Variants in ASIC2 observed in about 807,000 individuals in gnomAD.
The protein encoded by ASIC2 is acid-sensing ion channel 2.
ASIC2 carries 25 observed loss-of-function variants against 57.3 expected under a neutral mutation model. That is an observed-to-expected ratio of 0.44 (90% CI 0.32 to 0.61). ASIC2 has a LOEUF of 0.61. ASIC2 is among the 20% of genes least tolerant of loss of function. ASIC2 has a pLI of 0.06. For missense variants in ASIC2, 641 were observed against 738.1 expected, an observed-to-expected ratio of 0.87 and a Z score of 1.52; for synonymous variants, 319 against 307.5, an observed-to-expected ratio of 1.04 and a Z score of -0.39.
At chr17:33,276,458 C>T (rs907430777) in intron 1 of ASIC2, among the ~76,000 whole-genome samples, 7 of 152,200 alleles carry the variant, frequency 4.6e-5, no homozygotes, top group Non-Finnish European at 5.9e-5. Flanking sequence ...GACTTTCTCG[C>T]TCCTAAGTAG....
chr17:33,708,588 C>T (rs1597843730), intron 1 of ASIC2, among the ~76,000 whole-genome samples: 1 of 152,272 alleles, frequency 6.6e-6, no homozygotes, highest in Non-Finnish European at 1.5e-5. Flanking sequence ...GGCTGCAAAA[C>T]TTCTTTCCAA....
At position 33,471,500 on chromosome 17, in the gene ASIC2, C is replaced by A. The variant is rs946793697; in HGVS notation, c.556-359433G>T. Among the ~76,000 whole-genome samples the A allele has an allele frequency of 5.9e-5, 9 of 152,258 alleles. No individual in the cohort carries two copies. In the East Asian group the frequency reaches 1.7e-3, roughly 29 times the overall value. Reference sequence around the variant, plus strand: ...GATAAATTGGATTTGATCGCCTGTACTTGATTTGCTCACAGTTATTGGCAG... The same window carrying A: ...GATAAATTGGATTTGATCGCCTGTAATTGATTTGCTCACAGTTATTGGCAG... On this transcript the variant is annotated intron_variant, in intron 1 of 9. Transcript: ENST00000359872.
intron 1 of ASIC2, among the ~76,000 whole-genome samples, chr17:34,098,860 T>C (rs571899382): frequency 6.6e-6 from 1 of 152,170 alleles, no homozygotes; most frequent in African/African-American, 2.4e-5. Context: ...AGACAAACTC[T>C]AAGGGTTCTC....
At chr17:33,145,278 C>T (rs1904512200) in intron 1 of ASIC2, among the ~76,000 whole-genome samples, 1 of 152,190 alleles carries the variant, frequency 6.6e-6, no homozygotes, top group Non-Finnish European at 1.5e-5. Flanking sequence ...ATTGATGGTC[C>T]TAGACTCCAG....
chr17:33,588,200 C>G (rs1370171115), intron 1 of ASIC2, among the ~76,000 whole-genome samples: 1 of 152,204 alleles, frequency 6.6e-6, no homozygotes, highest in East Asian at 1.9e-4. Flanking sequence ...AAAGGTATGA[C>G]ATCACATATC....
chr17:33,987,540 T>A (rs560214287), intron 1 of ASIC2, among the ~76,000 whole-genome samples: 1 of 152,196 alleles, frequency 6.6e-6, no homozygotes, highest in Non-Finnish European at 1.5e-5. Flanking sequence ...GAACCTGAGA[T>A]GCAGAGGAGA....
intron 1 of ASIC2, among the ~76,000 whole-genome samples, chr17:33,893,773 G>A (rs116113511): frequency 0.014 from 2,179 of 152,262 alleles, 49 homozygotes; most frequent in African/African-American, 0.05. Flanking sequence ...AAGTCACATG[G>A]TGTTGTACAG....
At chr17:33,545,310 C>T (rs1013416584) in intron 1 of ASIC2, among the ~76,000 whole-genome samples, 1 of 152,120 alleles carries the variant, frequency 6.6e-6, no homozygotes, top group African/African-American at 2.4e-5. Context: ...GAGACCCAGT[C>T]CACACATGTA....
chr17:34,152,039 A>G (rs2142144903), intron 1 of ASIC2, among the ~76,000 whole-genome samples: 1 of 152,216 alleles, frequency 6.6e-6, no homozygotes, highest in South Asian at 2.1e-4. Flanking sequence ...TTTAAAAAAG[A>G]TAGACTAGAT....
chr17:33,387,404 G>A (rs755906043), intron 1 of ASIC2, among the ~76,000 whole-genome samples: 8 of 152,214 alleles, frequency 5.3e-5, no homozygotes, highest in Admixed American at 3.9e-4. Flanking sequence ...AGTCAGCAGA[G>A]GGGACTTCCT....
At chr17:33,784,149 C>T (rs1252441883) in intron 1 of ASIC2, among the ~76,000 whole-genome samples, 1 of 152,188 alleles carries the variant, frequency 6.6e-6, no homozygotes, top group East Asian at 1.9e-4. Context: ...TCAGCCCTGG[C>T]TCCACCACTC....
At chr17:33,676,616 G>A (rs975146983) in intron 1 of ASIC2, among the ~76,000 whole-genome samples, 1 of 152,352 alleles carries the variant, frequency 6.6e-6, no homozygotes, top group Non-Finnish European at 1.5e-5. Flanking sequence ...AGAGAGGTGA[G>A]GAAGCTGCAG....
intron 1 of ASIC2, among the ~76,000 whole-genome samples, chr17:33,354,792 C>T (rs1341281483): frequency 1.3e-5 from 2 of 152,114 alleles, no homozygotes; most frequent in African/African-American, 2.4e-5. Flanking sequence ...CCCAGTTTGT[C>T]AGCCTCCTAG....
intron 1 of ASIC2, among the ~76,000 whole-genome samples, chr17:33,327,817 G>A (rs1293495310): frequency 2.6e-5 from 4 of 152,160 alleles, no homozygotes; most frequent in African/African-American, 9.7e-5. Flanking sequence ...CGTTGCAGAC[G>A]TTATCAAGTT....
chr17:33,909,716 G>A (rs1454373417), intron 1 of ASIC2, among the ~76,000 whole-genome samples: 5 of 152,226 alleles, frequency 3.3e-5, no homozygotes, highest in African/African-American at 1.2e-4. Flanking sequence ...TTTATCCACA[G>A]CAAATAAGAG....
At chr17:33,964,800 G>A (rs74753468) in intron 1 of ASIC2, among the ~76,000 whole-genome samples, 261 of 152,328 alleles carry the variant, frequency 1.7e-3, no homozygotes, top group Non-Finnish European at 3.2e-3. Context: ...AGCCGCCTGC[G>A]GTGGTGGGAA....
chr17:33,248,914 G>A (rs1043515465), intron 1 of ASIC2, among the ~76,000 whole-genome samples: 6 of 152,142 alleles, frequency 3.9e-5, no homozygotes, highest in Non-Finnish European at 8.8e-5. Context: ...AGCTTCCTGG[G>A]GTTGGTACTT....
Position 33,292,026 on chromosome 17 carries a change from C to A in ASIC2, c.90G>T (p.Ala30=). The A allele has an allele frequency of 1.7e-6, 2 of 1,176,954 alleles. No homozygotes were observed. Among genetic ancestry groups the A allele is most frequent in the Non-Finnish European group, 2.1e-6 (2 of 958,160 alleles). The allele number at this position is 1,176,954 out of a possible 1,614,324, so 72.9% of individuals were successfully genotyped here. A position where few individuals can be genotyped will look rare whatever the true frequency, so the allele number is the denominator to read the frequency against. Residue 30 remains alanine, a synonymous_variant, in exon 1 of 10, where the codon GCG becomes GCT. Transcript: ENST00000225823. Reference sequence around the variant, plus strand: ...CGGGCTGCCCGGCAGCCGCCAACGCCGCGGGCGCCGGCTCCTCGCGGGCCA... The same window carrying A: ...CGGGCTGCCCGGCAGCCGCCAACGCAGCGGGCGCCGGCTCCTCGCGGGCCA... The part of the protein sequence containing the change: ...FRMAREEPAP[A]ALAAAGQPGG...
intron 1 of ASIC2, among the ~76,000 whole-genome samples, chr17:33,148,812 G>A (rs1452289431): frequency 1.3e-5 from 2 of 152,194 alleles, no homozygotes; most frequent in Non-Finnish European, 1.5e-5. Flanking sequence ...AAAAACTTGA[G>A]GCCAGGTGCG....
Sources: gnomAD v4.1 joint callset for allele counts (sites outside exome capture counted in the v4.1 genomes callset) on GRCh38, gnomAD v4.1.1 for gene constraint, MANE v1.5 for transcripts, NCBI Gene and HGNC (gene_info 2026-07-23, HGNC 2026-07-21) for gene names.